ERAP2: variants seen among roughly 807,000 people sequenced by gnomAD.
The protein encoded by ERAP2 is endoplasmic reticulum aminopeptidase 2.
Under a neutral mutation model 111.1 loss-of-function variants are expected in ERAP2, and 118 were observed. The ratio of observed to expected loss-of-function variants is 1.06; its 90% CI spans 0.92 to 1.24. The LOEUF is 1.24. ERAP2 is among the 50% of genes most tolerant of loss of function. The probability of loss-of-function intolerance (pLI) is 0.00; values close to 1 mark genes in which losing one functional copy is unlikely to be tolerated. For missense variants in ERAP2, 1,131 were observed against 1,125.8 expected, an observed-to-expected ratio of 1.00 and a Z score of -0.07; for synonymous variants, 410 against 401.2, an observed-to-expected ratio of 1.02 and a Z score of -0.26.
rs781595627 is a variant in ERAP2 at position 96,886,679 on chromosome 5, G to A, written c.739G>A (p.Gly247Ser). 6.5e-7 allele frequency: 1 copy of A among 1,545,984 alleles called. No individual in the cohort carries two copies. The highest frequency in any genetic ancestry group is 1.2e-5 in the South Asian group (1 of 82,430). Residue 247 changes from glycine (G) to serine (S), a missense_variant, in exon 4 of 19, where the codon GGT (glycine) becomes AGT (serine). Physicochemically the swap from Gly to Ser is moderately conservative, Grantham distance 56. This residue lies in a region of ERAP2 where 847 missense variants were observed against 856.5 expected (regional missense o/e 0.99). Coordinates refer to ENST00000437043, the MANE Select transcript of ERAP2 (RefSeq NM_022350.5). Reference protein sequence around the residue: ...PKVKTIELEGGLLEDHFETTV... With the variant: ...PKVKTIELEGSLLEDHFETTV... ...GGTTAAGACAATTGAACTTGAAGGA[G>A]GTCTTTTGGAAGATCACTTTGAAAC... is the stretch of plus-strand genomic sequence containing the variant.
chr5:96,884,146 CT>C (rs11337784), intron 3 of ERAP2, among the ~76,000 whole-genome samples: 83,175 of 151,226 alleles, frequency 0.55, 22,875 homozygotes, highest in Admixed American at 0.6. Context: ...ACACAGGAAG[CT>C]TTTTTTTTCC....
At position 96,886,655 on chromosome 5, in the gene ERAP2, G is replaced by C; in HGVS notation, c.715G>C (p.Val239Leu). ...TGATTATTCCTTTTCCTTTCTGTAGGTTAAGACAATTGAACTTGAAGGAGG... is the reference window on the plus strand; with the variant it reads ...TGATTATTCCTTTTCCTTTCTGTAGCTTAAGACAATTGAACTTGAAGGAGG... ...RHIALSNMPK[V>L]KTIELEGGLL... The change falls in exon 4 of 19, where the codon GTT becomes CTT. Residue 239 changes from valine to leucine, a missense_variant and splice_region_variant. By Grantham distance (32) the Val-to-Leu change is conservative (BLOSUM62 1). Transcript: ENST00000437043. 6.6e-7 allele frequency: 1 copy of C among 1,512,130 alleles called. No individual in the cohort carries two copies. The highest frequency in any genetic ancestry group is 9.0e-7 in the Non-Finnish European group (1 of 1,112,532). 93.7% of individuals were successfully genotyped at this position (1,512,130 alleles called of 1,614,324 possible).
chr5:96,880,234 A>C lies in ERAP2; in HGVS notation c.549A>C (p.Thr183=). Residue 183 remains threonine (T), a synonymous_variant, in exon 2 of 19, where the codon ACA becomes ACC. Transcript: ENST00000437043. ...GDGFEGFYKS[T]YRTLGGETRI... ...GCTTTGAAGGGTTTTATAAAAGCAC[A>C]TACAGAACTCTTGGTGGTGAAACAA... is the stretch of plus-strand genomic sequence containing the variant. 1 of 1,612,612 alleles carries C rather than the reference A, an allele frequency of 6.2e-7. No individual in the cohort carries two copies. The highest frequency in any genetic ancestry group is 8.5e-7 in the Non-Finnish European group (1 of 1,179,098).
intron 2 of ERAP2, among the ~76,000 whole-genome samples, chr5:96,880,678 C>T (rs997342505): frequency 8.7e-5 from 13 of 149,434 alleles, no homozygotes; most frequent in African/African-American, 3.0e-4. Context: ...ACAGCCATGA[C>T]TCATATCGAA....
intron 6 of ERAP2, among the ~76,000 whole-genome samples, 170 bp from the exon 7 acceptor site, chr5:96,895,076 A>G (rs972761371): frequency 3.9e-5 from 6 of 152,132 alleles, no homozygotes; most frequent in African/African-American, 1.4e-4. Context: ...TGGTGAGAAT[A>G]AGAAGGCAAG....
intron 15 of ERAP2, 32 bp from the exon 16 acceptor site, chr5:96,912,605 C>A: frequency 6.4e-7 from 1 of 1,563,032 alleles, no homozygotes. Flanking sequence ...TTTCATAAAA[C>A]TTTTTCTTCA....
At chr5:96,905,292 AT>A (rs1241593061) in intron 13 of ERAP2, among the ~76,000 whole-genome samples, 1 of 152,220 alleles carries the variant, frequency 6.6e-6, no homozygotes, top group Admixed American at 6.5e-5. Context: ...AATGAAAAAA[AT>A]AAGTGCGAAG....
rs1784478071 is a variant in ERAP2 at position 96,892,429 on chromosome 5, C to A, written c.1101C>A (p.Val367=). 2 of 1,613,856 alleles carry A rather than the reference C, an allele frequency of 1.2e-6. No individual in the cohort carries two copies. Among genetic ancestry groups the A allele is most frequent in the African/African-American group, 1.3e-5 (1 of 74,926 alleles). ...CCGATAAACTGTGGGTCACCAGAGT[C>A]ATAGCCCATGAACTGGCGCACCAGG... ...SASDKLWVTR[V]IAHELAHQWF... The change falls in exon 6 of 19, where the codon GTC becomes GTA. Residue 367 remains valine (V), a synonymous_variant. Coordinates refer to ENST00000437043, the MANE Select transcript of ERAP2 (RefSeq NM_022350.5).
Position 96,880,091 on chromosome 5 carries a change from G to T in ERAP2, c.406G>T (p.Glu136Ter), listed in dbSNP as rs1171806796. ...TTCAAGATACATGAAACCAGGAAAAGAACTGAAAGTTTTGAGTTACCCTGC... is the reference window on the plus strand; with the variant it reads ...TTCAAGATACATGAAACCAGGAAAATAACTGAAAGTTTTGAGTTACCCTGC... ...EDSRYMKPGK[E>*]LKVLSYPAHE... Residue 136 changes from glutamate (E) to a stop codon, truncating the protein, a stop_gained, in exon 2 of 19, where the codon GAA becomes TAA. Coordinates refer to ENST00000437043, the MANE Select transcript of ERAP2 (RefSeq NM_022350.5). LOFTEE classifies it high-confidence loss of function. The T allele has an allele frequency of 6.8e-6, 11 of 1,614,032 alleles. No individual in the cohort carries two copies. Among genetic ancestry groups the T allele is most frequent in the African/African-American group, 2.7e-5 (2 of 74,932 alleles).
At position 96,879,790 on chromosome 5, in the gene ERAP2, T is replaced by G. The variant is rs765833440; in HGVS notation, c.105T>G (p.Cys35Trp). 10 of 1,614,238 alleles carry G rather than the reference T, an allele frequency of 6.2e-6. No homozygotes were observed. The highest frequency in any genetic ancestry group is 2.2e-5 in the East Asian group (1 of 44,884). ...LTAILPQICI[C>W]SQFSVPSSYH... ...CCATCTTGCCCCAAATATGCATTTG[T>G]TCTCAGTTCTCAGTGCCATCTAGTT... The change falls in exon 2 of 19, where the codon TGT becomes TGG. Residue 35 changes from cysteine to tryptophan, a missense_variant. Cys to Trp is a radical substitution (Grantham distance 215). Coordinates refer to ENST00000437043, the MANE Select transcript of ERAP2 (RefSeq NM_022350.5).
Position 96,896,349 on chromosome 5 carries a change from C to T in ERAP2, c.1240-24C>T, listed in dbSNP as rs375841210. On this transcript the variant is annotated intron_variant, in intron 7 of 18. Coordinates refer to ENST00000437043, the MANE Select transcript of ERAP2 (RefSeq NM_022350.5). Reference sequence around the variant, plus strand: ...TTACAGTGTCAAATAGAAACTAAAACTAAACATTTTTCTCCCTGTTTAGGA... The same window carrying T: ...TTACAGTGTCAAATAGAAACTAAAATTAAACATTTTTCTCCCTGTTTAGGA... The T allele has an allele frequency of 7.6e-6, 12 of 1,586,162 alleles. No individual in the cohort carries two copies. The African/African-American group carries it at 1.6e-4, about 21-fold the overall frequency.
chr5:96,901,168 T>TTTTG (rs944066964), intron 10 of ERAP2, among the ~76,000 whole-genome samples: 1 of 118,538 alleles, frequency 8.4e-6, no homozygotes, highest in Admixed American at 8.9e-5. Flanking sequence ...TATTTGAGGG[T>TTTTG]TTTGTTTGTT....
chr5:96,882,477 A>G (rs1289097609), intron 2 of ERAP2, among the ~76,000 whole-genome samples: 4 of 152,216 alleles, frequency 2.6e-5, no homozygotes, highest in African/African-American at 7.2e-5. Flanking sequence ...CACAATGTCA[A>G]TTGAATCTTA....
At chr5:96,900,795 G>T (rs958455303) in intron 10 of ERAP2, among the ~76,000 whole-genome samples, 7 of 152,100 alleles carry the variant, frequency 4.6e-5, no homozygotes, top group Non-Finnish European at 1.0e-4. Flanking sequence ...CTCTGCCTCA[G>T]CCTCCCAAGT....
intron 2 of ERAP2, among the ~76,000 whole-genome samples, chr5:96,881,790 G>T (rs746694360): frequency 9.2e-5 from 14 of 152,064 alleles, no homozygotes; most frequent in Admixed American, 2.6e-4. Flanking sequence ...AGAGATAAGG[G>T]CAAAAAGAAA....
chr5:96,910,862 C>T (rs951607888), intron 15 of ERAP2, among the ~76,000 whole-genome samples: 9 of 152,128 alleles, frequency 5.9e-5, no homozygotes, highest in Non-Finnish European at 1.0e-4. Context: ...TTCCTTTATG[C>T]CAGCCAGGTA....
At position 96,903,442 on chromosome 5, in the gene ERAP2, A is replaced by G. The variant is rs1581874435; in HGVS notation, c.1894A>G (p.Ile632Val). 3 of 1,614,002 alleles carry G rather than the reference A, an allele frequency of 1.9e-6. No individual in the cohort carries two copies. The highest frequency in any genetic ancestry group is 2.5e-6 in the Non-Finnish European group (3 of 1,179,926). The change falls in exon 13 of 19, where the codon ATC becomes GTC. Residue 632 changes from isoleucine to valine, a missense_variant. This residue lies in a region of ERAP2 where 847 missense variants were observed against 856.5 expected (regional missense o/e 0.99). Coordinates refer to ENST00000437043, the MANE Select transcript of ERAP2 (RefSeq NM_022350.5). ...KFNVDSNGYYIVHYEGHGWDQ... is the reference protein window; with the variant it reads ...KFNVDSNGYYVVHYEGHGWDQ... The stretch of plus-strand genomic sequence containing the variant: ...TAATGTGGACTCAAATGGTTACTAC[A>G]TCGTTCACTATGAGGGTCATGGATG...
intron 1 of ERAP2, among the ~76,000 whole-genome samples, chr5:96,878,222 G>A (rs2617436): frequency 0.52 from 79,489 of 151,926 alleles, 20,968 homozygotes; most frequent in South Asian, 0.61. Context: ...GAAAAGAACC[G>A]AACCTTAAAA....
Position 96,889,862 on chromosome 5 carries a change from A to G in ERAP2, c.970+557A>G, listed in dbSNP as rs565705189. Among the ~76,000 whole-genome samples, 23 of 144,588 alleles carry G rather than the reference A, an allele frequency of 1.6e-4. No homozygotes were observed. The East Asian group carries it at 4.1e-3, about 26-fold the overall frequency. The allele number at this position is 144,588 out of a possible 152,430, so 94.9% of individuals were successfully genotyped here. A position where few individuals can be genotyped will look rare whatever the true frequency, so the allele number is the denominator to read the frequency against. On this transcript the variant is annotated intron_variant, in intron 5 of 18. Transcript: ENST00000437043. The stretch of plus-strand genomic sequence containing the variant: ...CACACACACACACACACACACACAC[A>G]CGCATTGCATATTAGAATTAGAGGG...
Sources: allele counts gnomAD v4.1 joint callset (sites outside exome capture counted in the v4.1 genomes callset), GRCh38; gene constraint gnomAD v4.1.1; regional missense constraint gnomAD v4.1.1; transcripts MANE v1.5; gene names NCBI Gene and HGNC (gene_info 2026-07-23, HGNC 2026-07-21).